TIMM44: variants seen among roughly 807,000 people sequenced by gnomAD.
TIMM44 encodes the protein mitochondrial import inner membrane translocase subunit TIM44.
Under a neutral mutation model 63.8 loss-of-function variants are expected in TIMM44, and 37 were observed. The observed-to-expected ratio is 0.58, with a 90% CI of 0.45 to 0.76. TIMM44 has a LOEUF of 0.76. Ranked by LOEUF, TIMM44 falls within the 30% of genes least tolerant of loss-of-function variation. TIMM44 has a pLI of 0.00. For missense variants in TIMM44, 573 were observed against 603.8 expected (o/e 0.95, Z 0.54); for synonymous variants, 239 against 245.1 (o/e 0.98, Z 0.23).
At chr19:7,941,968 C>T (rs1320660638) in intron 1 of TIMM44, among the ~76,000 whole-genome samples, 2 of 152,164 alleles carry the variant, frequency 1.3e-5, no homozygotes, top group Non-Finnish European at 2.9e-5. Context: ...CTGGAATAAA[C>T]CTACAATGTC....
chr19:7,939,333 C>CG (rs1446815388), intron 2 of TIMM44, among the ~76,000 whole-genome samples: 2 of 152,076 alleles, frequency 1.3e-5, no homozygotes, highest in Non-Finnish European at 2.9e-5. Context: ...AAAACAAGGC[C>CG]GGGCGCAGTG....
intron 10 of TIMM44, among the ~76,000 whole-genome samples, chr19:7,929,754 G>A (rs1245357826): frequency 1.3e-5 from 2 of 151,870 alleles, no homozygotes; most frequent in Non-Finnish European, 2.9e-5. Flanking sequence ...TGCACCCCAG[G>A]CCACTGCAGC....
intron 2 of TIMM44, among the ~76,000 whole-genome samples, chr19:7,939,005 CAGGGGTTTGGT>C (rs1984229666): frequency 2.2e-3 from 1 of 452 alleles, no homozygotes. Context: ...CAGTGGTTGC[CAGGGGTTTGGT>C]AGGAAGAGGG....
At chr19:7,930,778 G>T (rs1983958128) in intron 10 of TIMM44, among the ~76,000 whole-genome samples, 1 of 152,192 alleles carries the variant, frequency 6.6e-6, no homozygotes, top group Non-Finnish European at 1.5e-5. Flanking sequence ...GAAAAAAAAG[G>T]CCCAGTAAAA....
In TIMM44 at chr19:7,927,751, A is replaced by G. The variant is rs1343337130; in HGVS notation, c.1145T>C (p.Met382Thr). ...IDNVDLAMGK[M>T]MEQGPVLIIT... is the part of the protein sequence containing the mutation. Reference sequence around the variant, plus strand: ...GATCAGCACCGGCCCCTGCTCCATCATCTTGCCCATGGCCAGCTGCAGAGG... The same window carrying G: ...GATCAGCACCGGCCCCTGCTCCATCGTCTTGCCCATGGCCAGCTGCAGAGG... Residue 382 changes from methionine (M) to threonine (T), a missense_variant, in exon 12 of 13, where the codon ATG (methionine) becomes ACG (threonine). Met to Thr is a moderately conservative substitution (Grantham distance 81, BLOSUM62 -1). Transcript: ENST00000270538. 1.2e-6 allele frequency: 2 copies of G among 1,611,892 alleles called. No individual in the cohort carries two copies. The highest frequency in any genetic ancestry group is 2.2e-5 in the East Asian group (1 of 44,880).
Position 7,933,181 on chromosome 19 carries a change from C to G in TIMM44, c.770-249G>C, listed in dbSNP as rs868011474. Among the ~76,000 whole-genome samples, 2 of 152,204 alleles carry G rather than the reference C, an allele frequency of 1.3e-5. No individual in the cohort carries two copies. Among genetic ancestry groups the G allele is most frequent in the African/African-American group, 4.8e-5 (2 of 41,448 alleles). ...GGCTGTGTAAGTTATGGGCCGCCAC[C>G]CCACTGGCTGTTGCTTTCACTACAA... On this transcript the variant is annotated intron_variant, in intron 7 of 12. Coordinates refer to ENST00000270538, the MANE Select transcript of TIMM44 (RefSeq NM_006351.4). This position sits in a 1 kb window ranked among gnomAD's most constrained non-coding sequence, Gnocchi z 4.3.
At chr19:7,930,301 CTCTTT>C (rs1343342189) in intron 10 of TIMM44, among the ~76,000 whole-genome samples, 2 of 136,206 alleles carry the variant, frequency 1.5e-5, no homozygotes, top group African/African-American at 5.6e-5. Context: ...CCATGCTTGG[CTCTTT>C]TTTTTTTTTT....
intron 2 of TIMM44, among the ~76,000 whole-genome samples, chr19:7,938,699 C>G (rs1336650185): frequency 6.6e-6 from 1 of 152,064 alleles, no homozygotes; most frequent in Non-Finnish European, 1.5e-5. Context: ...CCCAGCTCCT[C>G]AGAAGGCTGA....
intron 3 of TIMM44, among the ~76,000 whole-genome samples, chr19:7,937,185 A>G (rs1485114081): frequency 6.6e-6 from 1 of 152,034 alleles, no homozygotes; most frequent in Admixed American, 6.6e-5. Context: ...AGGCTGAGGC[A>G]GGAGAATCAG....
intron 10 of TIMM44, 117 bp from the exon 11 acceptor site, chr19:7,928,283 A>G: frequency 1.2e-6 from 1 of 847,004 alleles, no homozygotes; most frequent in South Asian, 1.6e-5. Context: ...CAGCAATGGC[A>G]GAGGCCAAGA....
Position 7,926,980 on chromosome 19 carries a change from G to T in TIMM44, c.*207C>A, listed in dbSNP as rs1462916225. The stretch of plus-strand genomic sequence containing the variant: ...AGGGCAGAGCAACAGGGCAGGGGTT[G>T]GCCCTGCGGGGGAGTGTCTCCAGCT... On this transcript the variant is annotated 3_prime_UTR_variant, in exon 13 of 13. Coordinates refer to ENST00000270538, the MANE Select transcript of TIMM44 (RefSeq NM_006351.4). The T allele has an allele frequency of 1.1e-5, 7 of 655,012 alleles. No homozygotes were observed. Among genetic ancestry groups the T allele is most frequent in the African/African-American group, 3.6e-5 (2 of 55,644 alleles). The allele number at this position is 655,012 out of a possible 1,614,324, so 40.6% of individuals were successfully genotyped here.
rs1014393906 is a variant in TIMM44, at chr19:7,934,345, C to T, written c.394-107G>A. On this transcript the variant is annotated intron_variant, in intron 4 of 12. Coordinates refer to ENST00000270538, the MANE Select transcript of TIMM44 (RefSeq NM_006351.4). The surrounding 1 kb of genome is among the most constrained non-coding windows in gnomAD (Gnocchi z 5.3). Reference sequence around the variant, plus strand: ...GGAGAGAAGGGCGGATCTGGTTCCCCGAGGCCGGCAGAGGCCTTCTGTGCT... The same window carrying T: ...GGAGAGAAGGGCGGATCTGGTTCCCTGAGGCCGGCAGAGGCCTTCTGTGCT... 39 of 1,485,680 alleles carry T rather than the reference C, an allele frequency of 2.6e-5. No homozygotes were observed. The highest frequency in any genetic ancestry group is 8.3e-5 in the African/African-American group (6 of 72,548). The allele number at this position is 1,485,680 out of a possible 1,614,324, so 92.0% of individuals were successfully genotyped here.
At chr19:7,939,441 C>T (rs560611329) in intron 2 of TIMM44, among the ~76,000 whole-genome samples, 6 of 150,538 alleles carry the variant, frequency 4.0e-5, no homozygotes, top group African/African-American at 1.2e-4. Flanking sequence ...GTGAAACCCC[C>T]GTCTCTACTA....
At chr19:7,928,923 C>CA (rs758167153) in intron 10 of TIMM44, 13,876 of 69,570 alleles carry the variant, frequency 0.2, 1,060 homozygotes, top group African/African-American at 0.23. Context: ...AACAAAAAAC[C>CA]AAAAAAAAAA....
intron 12 of TIMM44, 175 bp from the exon 13 acceptor site, chr19:7,927,481 A>G: frequency 9.8e-7 from 1 of 1,021,900 alleles, no homozygotes; most frequent in Non-Finnish European, 1.5e-6. Flanking sequence ...AAAAACAGAC[A>G]GGTCTGCTGG....
Position 7,943,512 on chromosome 19 carries a change from G to A in TIMM44, c.45+95C>T, listed in dbSNP as rs1328895324. The A allele has an allele frequency of 3.6e-6, 5 of 1,399,218 alleles. No individual in the cohort carries two copies. The highest frequency in any genetic ancestry group is 3.5e-4 in the Middle Eastern group (2 of 5,704). The allele number at this position is 1,399,218 out of a possible 1,614,324, so 86.7% of individuals were successfully genotyped here. A position where few individuals can be genotyped will look rare whatever the true frequency, so the allele number is the denominator to read the frequency against. ...AAGCTTTCTAAGGAGCCCAAGCAAG[G>A]GTCGCGAAGGCCAAGGGTCTGAGAA... On this transcript the variant is annotated intron_variant, in intron 1 of 12. Transcript: ENST00000270538. The surrounding 1 kb of genome is among the most constrained non-coding windows in gnomAD (Gnocchi z 4.3).
chr19:7,932,813 T>G (rs1212755678), intron 8 of TIMM44, 27 bp downstream of exon 8: 1 of 1,613,984 alleles, frequency 6.2e-7, no homozygotes, highest in Non-Finnish European at 8.5e-7. Flanking sequence ...ACCACCAGCC[T>G]GCGAGGTCCA....
chr19:7,937,959 A>G, intron 3 of TIMM44, 68 bp downstream of exon 3: 2 of 1,585,616 alleles, frequency 1.3e-6, no homozygotes, highest in Non-Finnish European at 1.7e-6. Context: ...TGGAGGTTGC[A>G]GTGAGCCGAG....
At chr19:7,927,917 C>T in intron 11 of TIMM44, 150 bp from the exon 12 acceptor site, 2 of 1,080,168 alleles carry the variant, frequency 1.9e-6, no homozygotes, top group Non-Finnish European at 2.7e-6. Flanking sequence ...CCTCTCAGGC[C>T]AGGACCAGGC....
Sources: allele counts gnomAD v4.1 joint callset (sites outside exome capture counted in the v4.1 genomes callset), GRCh38; gene constraint gnomAD v4.1.1; non-coding constraint Gnocchi (gnomAD v3.1); transcripts MANE v1.5; gene names NCBI Gene and HGNC (gene_info 2026-07-23, HGNC 2026-07-21).